Variants in RALGPS2 observed in about 807,000 individuals in gnomAD.
RALGPS2 encodes ras-specific guanine nucleotide-releasing factor RalGPS2.
A neutral mutation model predicts 86.8 loss-of-function variants in RALGPS2; 43 were observed. That is an observed-to-expected ratio of 0.50 (90% CI 0.39 to 0.64). RALGPS2 has a LOEUF of 0.64. Ranked by LOEUF, RALGPS2 falls within the 30% of genes least tolerant of loss-of-function variation. The probability of loss-of-function intolerance (pLI) is 0.00; values close to 1 mark genes in which losing one functional copy is unlikely to be tolerated. For synonymous variants in RALGPS2, 243 were observed against 231.3 expected (o/e 1.05, Z -0.46); for missense variants, 536 against 694.6 (o/e 0.77, Z 2.57).
At chr1:178,776,953 T>A in intron 2 of RALGPS2, 132 bp downstream of exon 2, 1 of 661,256 alleles carries the variant, frequency 1.5e-6, no homozygotes, top group Non-Finnish European at 2.5e-6. Context: ...TTTTTTTAAA[T>A]TTTATTTTTT....
At chr1:178,785,661 TTAAG>T (rs1653615884) in intron 4 of RALGPS2, 54 bp downstream of exon 4, 4 of 1,518,242 alleles carry the variant, frequency 2.6e-6, no homozygotes, top group South Asian at 2.6e-5. Flanking sequence ...CAATCTCAAA[TTAAG>T]TGTTTTAGAA....
At chr1:178,897,849 G>T in intron 17 of RALGPS2, 93 bp downstream of exon 17, 3 of 1,006,646 alleles carry the variant, frequency 3.0e-6, no homozygotes, top group East Asian at 2.6e-5. Flanking sequence ...AGGTTTTTTG[G>T]GTTTGCCTTG....
chr1:178,828,300 A>T (rs1655850050), intron 7 of RALGPS2, among the ~76,000 whole-genome samples: 1 of 152,246 alleles, frequency 6.6e-6, no homozygotes, highest in Non-Finnish European at 1.5e-5. Flanking sequence ...CAGACATCAT[A>T]GAGTGTAATC....
At chr1:178,877,737 TTTC>T in intron 9 of RALGPS2, 102 bp downstream of exon 9, 6 of 1,373,772 alleles carry the variant, frequency 4.4e-6, no homozygotes, top group Non-Finnish European at 6.0e-6. Context: ...GGGACATCAA[TTTC>T]TTATTTCCAT....
At chr1:178,767,537 A>G (rs1275840625) in intron 1 of RALGPS2, among the ~76,000 whole-genome samples, 3 of 152,024 alleles carry the variant, frequency 2.0e-5, no homozygotes, top group Non-Finnish European at 4.4e-5. Context: ...GTTCTGATCC[A>G]TGGGGCTCCC....
At chr1:178,811,156 G>A (rs1398397962) in intron 5 of RALGPS2, among the ~76,000 whole-genome samples, 159 bp from the exon 6 acceptor site, 1 of 151,976 alleles carries the variant, frequency 6.6e-6, no homozygotes, top group Non-Finnish European at 1.5e-5. Context: ...AAACAGTCAT[G>A]TAGAATTACA....
At chr1:178,772,873 C>T (rs1652872516) in intron 1 of RALGPS2, among the ~76,000 whole-genome samples, 1 of 152,192 alleles carries the variant, frequency 6.6e-6, no homozygotes, top group Non-Finnish European at 1.5e-5. Flanking sequence ...GCAATCTCGG[C>T]TCACTGCAAC....
At chr1:178,772,003 A>G (rs936883178) in intron 1 of RALGPS2, among the ~76,000 whole-genome samples, 14 of 152,070 alleles carry the variant, frequency 9.2e-5, no homozygotes, top group African/African-American at 3.4e-4. Context: ...GGGTTAGGGA[A>G]TCTCTTAAAC....
At chr1:178,913,327 AT>A (rs970375015) in intron 19 of RALGPS2, among the ~76,000 whole-genome samples, 5 of 152,036 alleles carry the variant, frequency 3.3e-5, no homozygotes, top group African/African-American at 1.2e-4. Context: ...TCTAGAGTGA[AT>A]TTTTAAATTC....
chr1:178,829,271 G>A (rs1655901349), intron 7 of RALGPS2, among the ~76,000 whole-genome samples: 1 of 152,176 alleles, frequency 6.6e-6, no homozygotes, highest in African/African-American at 2.4e-5. Context: ...GGGTCAGTAG[G>A]TACAAAGTTT....
intron 9 of RALGPS2, among the ~76,000 whole-genome samples, 155 bp from the exon 10 acceptor site, chr1:178,878,747 C>G (rs1000256189): frequency 2.6e-5 from 4 of 152,100 alleles, no homozygotes; most frequent in Non-Finnish European, 5.9e-5. Flanking sequence ...CCTTCAGATT[C>G]ACATTAAAGT....
rs747336558 is a variant in RALGPS2 at position 178,770,507 on chromosome 1, CTTTTTT to C, written c.-83-6161_-83-6156del. Among the ~76,000 whole-genome samples the C allele has an allele frequency of 2.2e-5, 3 of 136,208 alleles. No homozygotes were observed. The South Asian group carries it at 7.0e-4, about 32-fold the overall frequency. 89.4% of individuals were successfully genotyped at this position (136,208 alleles called of 152,430 possible). On this transcript the variant is annotated intron_variant, in intron 1 of 19. Transcript: ENST00000367635. ...TTAAGATTAGTTTGCATACTTCATACTTTTTTTTTTTTTTTTTTTCTGAGACAGTCT... is the reference window on the plus strand; with the variant it reads ...TTAAGATTAGTTTGCATACTTCATACTTTTTTTTTTTTTCTGAGACAGTCT...
intron 1 of RALGPS2, among the ~76,000 whole-genome samples, chr1:178,739,708 T>C (rs1650916141): frequency 6.6e-6 from 1 of 152,214 alleles, no homozygotes; most frequent in Non-Finnish European, 1.5e-5. Flanking sequence ...TCACTCTGTT[T>C]CCTTTCTTCA....
rs1319886753 is a variant in RALGPS2, at chr1:178,918,771, T to G, written c.*2412T>G. ...AAAACAGAAAAGTGACTTAAAATAGTGTAGGTGAATTTTTTATCTATAATT... is the reference window on the plus strand; with the variant it reads ...AAAACAGAAAAGTGACTTAAAATAGGGTAGGTGAATTTTTTATCTATAATT... On this transcript the variant is annotated 3_prime_UTR_variant, in exon 20 of 20. Coordinates refer to ENST00000367635, the MANE Select transcript of RALGPS2 (RefSeq NM_152663.5). The G allele has an allele frequency of 6.6e-6, 1 of 152,088 alleles. No homozygotes were observed. The highest frequency in any genetic ancestry group is 1.5e-5 in the Non-Finnish European group (1 of 67,962). The allele number at this position is 152,088 out of a possible 1,614,324, so 9.4% of individuals were successfully genotyped here.
rs143247341 is a variant in RALGPS2 at position 178,864,974 on chromosome 1, G to C, written c.608-12524G>C. The C allele has an allele frequency of 5.5e-6, 8 of 1,452,544 alleles. No individual in the cohort carries two copies. In the South Asian group the frequency reaches 1.2e-4, roughly 22 times the overall value. The allele number at this position is 1,452,544 out of a possible 1,614,324, so 90.0% of individuals were successfully genotyped here. On this transcript the variant is annotated intron_variant, in intron 8 of 19. Coordinates refer to ENST00000367635, the MANE Select transcript of RALGPS2 (RefSeq NM_152663.5). ...CTCACCTTCATTGATGAAAGTTACC[G>C]GTGGTATCTTGAAAGGGCTTTTGGT...
At chr1:178,866,062 T>C (rs1310734380) in intron 8 of RALGPS2, among the ~76,000 whole-genome samples, 3 of 152,212 alleles carry the variant, frequency 2.0e-5, no homozygotes, top group Admixed American at 6.5e-5. Flanking sequence ...CCCCAGTTTA[T>C]TGAGCAGATT....
intron 8 of RALGPS2, chr1:178,865,820 A>G (rs771293082): frequency 6.9e-7 from 1 of 1,446,128 alleles, no homozygotes; most frequent in South Asian, 1.3e-5. Flanking sequence ...AAAACAAATC[A>G]GTGAAGGAGA....
At chr1:178,852,661 A>G in intron 8 of RALGPS2, 1 of 1,597,496 alleles carries the variant, frequency 6.3e-7, no homozygotes, top group South Asian at 1.1e-5. Flanking sequence ...TTCTACAAAG[A>G]ATGAAAGTTT....
chr1:178,813,139 G>T (rs1315058983), intron 6 of RALGPS2, among the ~76,000 whole-genome samples: 1 of 151,720 alleles, frequency 6.6e-6, no homozygotes, highest in African/African-American at 2.4e-5. Context: ...CACCATGTTG[G>T]GCCAGGCTGG....
Sources: gnomAD v4.1 joint callset for allele counts (sites outside exome capture counted in the v4.1 genomes callset) on GRCh38, gnomAD v4.1.1 for gene constraint, MANE v1.5 for transcripts, NCBI Gene and HGNC (gene_info 2026-07-23, HGNC 2026-07-21) for gene names.